Variants in SETD1B observed in about 807,000 individuals in gnomAD.
The protein encoded by SETD1B is SET domain containing 1B, histone lysine methyltransferase, also known as histone-lysine N-methyltransferase SETD1B.
In SETD1B, 7 loss-of-function variants were observed where a neutral mutation model predicts 148.0. That is an observed-to-expected ratio of 0.05 (90% confidence interval 0.03 to 0.09). The LOEUF is 0.09. Among genes scored for constraint, SETD1B ranks in the 10% least tolerant of loss-of-function variants. The pLI is 1.00. For missense variants in SETD1B, 2,155 were observed against 2,729.9 expected (o/e 0.79, Z 4.69); for synonymous variants, 1,361 against 1,186.5 (o/e 1.15, Z -3.02).
chr12:121,812,258 G>A (rs1403685860), intron 6 of SETD1B, among the ~76,000 whole-genome samples: 3 of 152,222 alleles, frequency 2.0e-5, no homozygotes, highest in African/African-American at 7.2e-5. Context: ...GGGGCCAGCC[G>A]AGGGTGCAGG....
chr12:121,797,995 C>T, the SETD1B span: 1 of 201,296 alleles, frequency 5.0e-6, no homozygotes, highest in Non-Finnish European at 1.0e-5. Context: ...CCCTGGCCCT[C>T]ACAGGAGGAG....
chr12:121,825,431 C>T (rs1876794241), intron 13 of SETD1B, 65 bp downstream of exon 13: 9 of 1,453,300 alleles, frequency 6.2e-6, no homozygotes, highest in Admixed American at 2.2e-5. Flanking sequence ...CCAGGGCACT[C>T]ATGGAGGGGT....
Position 121,808,536 on chromosome 12 carries a change from G to C in SETD1B, c.657+216G>C, listed in dbSNP as rs979909076. ...ATTTTCCCAAGTGCTCCTGCAGTAG[G>C]GCTCCATGGGATTGGTTCTGTTTCC... On this transcript the variant is annotated intron_variant, in intron 5 of 16. Transcript: ENST00000604567. The surrounding 1 kb of genome is among the most constrained non-coding windows in gnomAD (Gnocchi z 5.3). 6.6e-6 allele frequency among the ~76,000 whole-genome samples: 1 copy of C among 152,248 alleles called. No homozygotes were observed. The highest frequency in any genetic ancestry group is 1.9e-4 in the East Asian group (1 of 5,202).
chr12:121,822,258 A>ACGT (rs2137576810), intron 11 of SETD1B, among the ~76,000 whole-genome samples: 1 of 152,220 alleles, frequency 6.6e-6, no homozygotes, highest in East Asian at 1.9e-4. Context: ...GAAAGGCTGG[A>ACGT]ATACATGTCT....
chr12:121,809,252 T>C (rs1875894371), intron 5 of SETD1B, among the ~76,000 whole-genome samples: 1 of 152,190 alleles, frequency 6.6e-6, no homozygotes, highest in Admixed American at 6.5e-5. Flanking sequence ...TGCACAAGAT[T>C]GTAGTTCTTG....
intron 7 of SETD1B, among the ~76,000 whole-genome samples, chr12:121,816,777 G>A (rs1876309924): frequency 6.6e-6 from 1 of 152,228 alleles, no homozygotes; most frequent in South Asian, 2.1e-4. Flanking sequence ...TCTGCAAAGT[G>A]CAAAGGCCAC....
Position 121,822,856 on chromosome 12 carries a change from C to G in SETD1B, c.4277C>G (p.Pro1426Arg). 6.7e-7 allele frequency: 1 copy of G among 1,486,138 alleles called. No homozygotes were observed. Among genetic ancestry groups the G allele is most frequent in the Non-Finnish European group, 9.0e-7 (1 of 1,112,422 alleles). 92.1% of individuals were successfully genotyped at this position (1,486,138 alleles called of 1,614,324 possible). Residue 1426 changes from proline (P) to arginine (R), a missense_variant, in exon 12 of 17, where the codon CCT (proline) becomes CGT (arginine). This residue lies in a region of SETD1B where 862 missense variants were observed against 873.8 expected (regional missense o/e 0.99). Coordinates refer to ENST00000604567, the MANE Select transcript of SETD1B (RefSeq NM_001353345.2). The stretch of plus-strand genomic sequence containing the variant: ...AGCAGTGGGGGCCTCCCTCGGACAC[C>G]TGGCCGGGACTTCAGCTTCACACCC... ...SLSSGGLPRTPGRDFSFTPTF... is the reference protein window; with the variant it reads ...SLSSGGLPRTRGRDFSFTPTF...
chr12:121,823,447 G>A lies in SETD1B; in HGVS notation c.4868G>A (p.Arg1623His), dbSNP rs1317359571. 3.2e-6 allele frequency: 5 copies of A among 1,548,994 alleles called. No homozygotes were observed. The highest frequency in any genetic ancestry group is 2.0e-5 in the Admixed American group (1 of 50,804). ...WPSEAIPPGP[R>H]GRDEVTEEYM... Reference sequence around the variant, plus strand: ...TCCGAGGCCATTCCTCCGGGCCCCCGTGGGCGCGATGAGGTCACTGAGGAA... The same window carrying A: ...TCCGAGGCCATTCCTCCGGGCCCCCATGGGCGCGATGAGGTCACTGAGGAA... Residue 1623 changes from arginine to histidine, a missense_variant, in exon 12 of 17, where the codon CGT becomes CAT. Coordinates refer to ENST00000604567, the MANE Select transcript of SETD1B (RefSeq NM_001353345.2).
chr12:121,810,620 C>A lies in SETD1B; in HGVS notation c.1675C>A (p.Pro559Thr), dbSNP rs1299928349. ...NSQPGFRGPT[P>T]PSSRPSSTGL... is the part of the protein sequence containing the mutation. ...CCAGCCAGGCTTCCGGGGCCCCACG[C>A]CCCCCTCGTCACGCCCCTCCAGCAC... The change falls in exon 6 of 17, where the codon CCC becomes ACC. Residue 559 changes from proline to threonine, a missense_variant. By Grantham distance (38) the Pro-to-Thr change is conservative. Coordinates refer to ENST00000604567, the MANE Select transcript of SETD1B (RefSeq NM_001353345.2). This position sits in a 1 kb window ranked among gnomAD's most constrained non-coding sequence, Gnocchi z 7.6. The A allele has an allele frequency of 3.2e-6, 5 of 1,548,056 alleles. No individual in the cohort carries two copies. The highest frequency in any genetic ancestry group is 3.3e-4 in the Middle Eastern group (2 of 6,012).
At chr12:121,806,209 GA>G (rs1364633574) in intron 4 of SETD1B, 104 bp downstream of exon 4, 46 of 1,286,834 alleles carry the variant, frequency 3.6e-5, no homozygotes, top group Middle Eastern at 2.6e-4. Flanking sequence ...TCTTCCTTGG[GA>G]TCCCCCCCCA....
At position 121,814,377 on chromosome 12, in the gene SETD1B, C is replaced by T; in HGVS notation, c.2162C>T (p.Pro721Leu). 1 of 1,162,998 alleles carries T rather than the reference C, an allele frequency of 8.6e-7. No homozygotes were observed. The highest frequency in any genetic ancestry group is 1.2e-6 in the Non-Finnish European group (1 of 862,816). 72.0% of individuals were successfully genotyped at this position (1,162,998 alleles called of 1,614,324 possible). Residue 721 changes from proline to leucine, a missense_variant, in exon 7 of 17, where the codon CCT (proline) becomes CTT (leucine). By Grantham distance (98) the Pro-to-Leu change is moderately conservative (BLOSUM62 -3). Around this residue, in one of 11 missense-constraint regions of SETD1B, gnomAD observed 295 missense variants for 303.8 expected, o/e 0.97. Transcript: ENST00000604567. ...CCGCCCCCACCCCCTCCAGCCCACC[C>T]TGCTGTGACAGTGCCCCCACCACCC... ...PPPPPPPPAH[P>L]AVTVPPPPLP...
the SETD1B span, among the ~76,000 whole-genome samples, chr12:121,790,400 C>T: frequency 6.6e-6 from 1 of 152,288 alleles, no homozygotes; most frequent in South Asian, 2.1e-4. Context: ...TTGGCCTTTG[C>T]CTCTCTCTAC....
Position 121,808,367 on chromosome 12 carries a change from G to GC in SETD1B, c.657+53dup, listed in dbSNP as rs568440118. 1.5e-4 allele frequency: 198 copies of GC among 1,297,664 alleles called. 2 individuals are homozygous for GC. The East Asian group carries it at 4.2e-3, about 28-fold the overall frequency. The allele number at this position is 1,297,664 out of a possible 1,614,324, so 80.4% of individuals were successfully genotyped here. A position where few individuals can be genotyped will look rare whatever the true frequency, so the allele number is the denominator to read the frequency against. ...TGCCCCATCGCCAGCTCTTTGATGT[G>GC]CCCCCCACCTCTGGAAAGCCTCACC... On this transcript the variant is annotated intron_variant, in intron 5 of 16. Coordinates refer to ENST00000604567, the MANE Select transcript of SETD1B (RefSeq NM_001353345.2). The surrounding 1 kb of genome is among the most constrained non-coding windows in gnomAD (Gnocchi z 5.3).
chr12:121,827,504 C>T lies in SETD1B; in HGVS notation c.5338-15C>T, dbSNP rs1488632738. 3.3e-6 allele frequency: 5 copies of T among 1,525,360 alleles called. No homozygotes were observed. The highest frequency in any genetic ancestry group is 4.4e-6 in the Non-Finnish European group (5 of 1,135,360). 94.5% of individuals were successfully genotyped at this position (1,525,360 alleles called of 1,614,324 possible). A position where few individuals can be genotyped will look rare whatever the true frequency, so the allele number is the denominator to read the frequency against. ...ACGGCCAGCTCCGCTGAGCCCCGCA[C>T]ACCGTCCACTGCAGGGCATGAGCAT... is the stretch of plus-strand genomic sequence containing the variant. On this transcript the variant is annotated splice_polypyrimidine_tract_variant and intron_variant, in intron 13 of 16. Transcript: ENST00000604567.
chr12:121,824,455 T>G (rs572009438), intron 12 of SETD1B, among the ~76,000 whole-genome samples: 4 of 152,194 alleles, frequency 2.6e-5, no homozygotes, highest in African/African-American at 4.8e-5. Context: ...GAGACCAGCC[T>G]GGCCAACATG....
rs1021576183 is a variant in SETD1B, at chr12:121,814,462, G to A, written c.2247G>A (p.Pro749=). The change falls in exon 7 of 17, where the codon CCG becomes CCA. Residue 749 remains proline, a synonymous_variant. Transcript: ENST00000604567. ...TCCTGCCACCACTGCCCCCCTTTCC[G>A]CCGGGCCTGTTCCCTGTGATGCAGG... The part of the protein sequence containing the change: ...PPILPPLPPF[P]PGLFPVMQVD... The A allele has an allele frequency of 2.0e-5, 27 of 1,366,808 alleles. No homozygotes were observed. The highest frequency in any genetic ancestry group is 3.0e-5 in the East Asian group (1 of 33,324). 84.7% of individuals were successfully genotyped at this position (1,366,808 alleles called of 1,614,324 possible).
At chr12:121,799,021 C>T (rs1429158630), upstream of SETD1B, among the ~76,000 whole-genome samples, 1 of 152,236 alleles carries the variant, frequency 6.6e-6, no homozygotes, top group Non-Finnish European at 1.5e-5. Context: ...TCAGCCTCAC[C>T]TCACCTGGGA....
the SETD1B span, chr12:121,797,538 C>G: frequency 4.4e-6 from 2 of 456,538 alleles, no homozygotes; most frequent in Admixed American, 4.7e-5. Context: ...AGGTGGGTCC[C>G]GACACCGTGC....
chr12:121,790,904 C>A, the SETD1B span, among the ~76,000 whole-genome samples: 1 of 152,122 alleles, frequency 6.6e-6, no homozygotes, highest in Non-Finnish European at 1.5e-5. Flanking sequence ...AACAGGGTCT[C>A]GCTCTGTTGC....
Sources: gnomAD v4.1 joint callset for allele counts (sites outside exome capture counted in the v4.1 genomes callset) on GRCh38, gnomAD v4.1.1 for gene constraint, gnomAD v4.1.1 regional missense constraint, Gnocchi (gnomAD v3.1) non-coding constraint, MANE v1.5 for transcripts, NCBI Gene and HGNC (gene_info 2026-07-23, HGNC 2026-07-21) for gene names.